Variants in NTM observed in about 807,000 individuals in gnomAD.
The protein encoded by NTM is neurotrimin.
NTM carries 13 observed loss-of-function variants against 42.1 expected under a neutral mutation model. That is an observed-to-expected ratio of 0.31 (90% CI 0.20 to 0.49). The LOEUF (loss-of-function observed/expected upper bound fraction) is 0.49. Ranked by LOEUF, NTM falls within the 20% of genes least tolerant of loss-of-function variation. The probability of loss-of-function intolerance (pLI) is 0.99; values close to 1 mark genes in which losing one functional copy is unlikely to be tolerated. For missense variants in NTM, 373 were observed against 452.8 expected, an observed-to-expected ratio of 0.82 and a Z score of 1.60; for synonymous variants, 187 against 179.2, an observed-to-expected ratio of 1.04 and a Z score of -0.35.
At chr11:131,910,276 G>A (rs2054520425) in intron 1 of NTM, among the ~76,000 whole-genome samples, 1 of 152,158 alleles carries the variant, frequency 6.6e-6, no homozygotes, top group Non-Finnish European at 1.5e-5. Context: ...CATGCTGCAG[G>A]GTGTTCCTTT....
chr11:131,673,889 C>T (rs1285888181), intron 1 of NTM, among the ~76,000 whole-genome samples: 1 of 152,202 alleles, frequency 6.6e-6, no homozygotes, highest in Admixed American at 6.5e-5. Context: ...CCCACACCTC[C>T]ACTCCCCCGT....
chr11:132,279,642 G>A lies in NTM; in HGVS notation c.527-28047G>A, dbSNP rs575455739. 1.6e-4 allele frequency among the ~76,000 whole-genome samples: 24 copies of A among 152,240 alleles called. No homozygotes were observed. In the South Asian group the frequency reaches 4.8e-3, roughly 30 times the overall value. ...CCTGCCTGGAATCCTTTCCGCCATT[G>A]ATCTTCCAGGCCTTTGTTTATATTT... is the stretch of plus-strand genomic sequence containing the variant. On this transcript the variant is annotated intron_variant, in intron 4 of 8. Coordinates refer to ENST00000683400, the MANE Select transcript of NTM (RefSeq NM_001352005.2).
intron 2 of NTM, among the ~76,000 whole-genome samples, chr11:132,077,768 A>G (rs2058553052): frequency 6.6e-6 from 1 of 152,184 alleles, no homozygotes; most frequent in African/African-American, 2.4e-5. Context: ...AACAAGAACA[A>G]ACTTTATTTT....
intron 2 of NTM, among the ~76,000 whole-genome samples, chr11:131,973,518 T>C (rs527330886): frequency 1.0e-3 from 157 of 152,314 alleles, no homozygotes; most frequent in African/African-American, 3.6e-3. Flanking sequence ...CATCTTGTTT[T>C]TAGAAGACTA....
intron 1 of NTM, among the ~76,000 whole-genome samples, chr11:131,515,087 A>C (rs971586617): frequency 1.3e-5 from 2 of 151,772 alleles, no homozygotes; most frequent in African/African-American, 2.4e-5. Flanking sequence ...AAGTTTTATA[A>C]ATTTTTTTGT....
chr11:132,182,647 T>C (rs2077744295), intron 3 of NTM, among the ~76,000 whole-genome samples: 1 of 152,216 alleles, frequency 6.6e-6, no homozygotes, highest in African/African-American at 2.4e-5. Flanking sequence ...ATCTGGTAGC[T>C]ATCTCTAATA....
chr11:132,011,730 A>G (rs2072245479), intron 2 of NTM, among the ~76,000 whole-genome samples: 1 of 152,160 alleles, frequency 6.6e-6, no homozygotes, highest in Admixed American at 6.5e-5. Context: ...AATTATTCCA[A>G]CCCAAGCCCA....
intron 3 of NTM, among the ~76,000 whole-genome samples, chr11:132,185,219 A>G (rs544283372): frequency 6.6e-6 from 1 of 152,084 alleles, no homozygotes; most frequent in Non-Finnish European, 1.5e-5. Context: ...CTCCCCCCAT[A>G]TGTGTGCACA....
chr11:132,002,899 A>G lies in NTM; in HGVS notation c.167+91251A>G, dbSNP rs2069653934. On this transcript the variant is annotated intron_variant, in intron 2 of 8. Transcript: ENST00000683400. This position sits in a 1 kb window ranked among gnomAD's most constrained non-coding sequence, Gnocchi z 4.5. Reference sequence around the variant, plus strand: ...CTCTTAGCCAATGTTAGCAGCCATTATTACTGTTTACTGTTAATAACAGAA... The same window carrying G: ...CTCTTAGCCAATGTTAGCAGCCATTGTTACTGTTTACTGTTAATAACAGAA... Among the ~76,000 whole-genome samples the G allele has an allele frequency of 6.8e-6, 1 of 146,120 alleles. No individual in the cohort carries two copies. The highest frequency in any genetic ancestry group is 1.5e-5 in the Non-Finnish European group (1 of 68,034).
At chr11:131,375,301 G>T (rs1941811830) in intron 1 of NTM, among the ~76,000 whole-genome samples, 1 of 152,172 alleles carries the variant, frequency 6.6e-6, no homozygotes, top group Non-Finnish European at 1.5e-5. Flanking sequence ...GGAACTCCAT[G>T]CTGAGATTAT....
At chr11:132,112,611 A>G (rs2063356727) in intron 2 of NTM, among the ~76,000 whole-genome samples, 2 of 152,034 alleles carry the variant, frequency 1.3e-5, no homozygotes, top group South Asian at 2.1e-4. Context: ...CTTCCACTAG[A>G]GAAGGCATCC....
At chr11:131,822,520 C>G (rs73579957) in intron 1 of NTM, among the ~76,000 whole-genome samples, 1 of 152,142 alleles carries the variant, frequency 6.6e-6, no homozygotes, top group Non-Finnish European at 1.5e-5. Context: ...AATAAGAACG[C>G]GTGTACAGAG....
intron 4 of NTM, among the ~76,000 whole-genome samples, chr11:132,237,480 G>T (rs910650738): frequency 6.6e-6 from 1 of 152,152 alleles, no homozygotes; most frequent in African/African-American, 2.4e-5. Context: ...CAGCCTTTGG[G>T]CCACTGACCC....
intron 1 of NTM, chr11:131,662,377 G>A (rs1440353555): frequency 2.0e-5 from 3 of 152,128 alleles, no homozygotes; most frequent in East Asian, 1.9e-4. Flanking sequence ...ACATTTTCAC[G>A]GCTGCAGACA....
chr11:131,776,094 C>A (rs752794124), intron 1 of NTM, among the ~76,000 whole-genome samples: 8 of 152,130 alleles, frequency 5.3e-5, no homozygotes, highest in Non-Finnish European at 1.2e-4. Flanking sequence ...ATGCTGAGAA[C>A]CTTGAGGCTA....
chr11:131,720,311 T>C lies in NTM; in HGVS notation c.83-191253T>C, dbSNP rs139227605. ...CATATGCCTTGATAGATACAGTGTGTTTACGTTCGAATCCCAGGATTTGTG... is the reference window on the plus strand; with the variant it reads ...CATATGCCTTGATAGATACAGTGTGCTTACGTTCGAATCCCAGGATTTGTG... On this transcript the variant is annotated intron_variant, in intron 1 of 8. Coordinates refer to ENST00000683400, the MANE Select transcript of NTM (RefSeq NM_001352005.2). Among the ~76,000 whole-genome samples the C allele has an allele frequency of 2.6e-5, 4 of 152,276 alleles. No homozygotes were observed. In the East Asian group the frequency reaches 7.7e-4, roughly 29 times the overall value.
At chr11:131,992,699 C>G (rs1439074104) in intron 2 of NTM, among the ~76,000 whole-genome samples, 3 of 152,090 alleles carry the variant, frequency 2.0e-5, no homozygotes, top group Non-Finnish European at 2.9e-5. Flanking sequence ...AGATTGAATA[C>G]TTTTCTATGT....
chr11:132,086,417 C>A (rs2059721890), intron 2 of NTM, among the ~76,000 whole-genome samples: 1 of 151,826 alleles, frequency 6.6e-6, no homozygotes. Context: ...AAAACAAGAT[C>A]CAAGAAGAGA....
intron 1 of NTM, among the ~76,000 whole-genome samples, chr11:131,424,555 C>T (rs962289104): frequency 2.8e-5 from 4 of 143,140 alleles, no homozygotes; most frequent in African/African-American, 1.0e-4. Flanking sequence ...GATAAGTTAC[C>T]GTCTAGTTTG....
Sources: gnomAD v4.1 joint callset for allele counts (sites outside exome capture counted in the v4.1 genomes callset) on GRCh38, gnomAD v4.1.1 for gene constraint, Gnocchi (gnomAD v3.1) non-coding constraint, MANE v1.5 for transcripts, NCBI Gene and HGNC (gene_info 2026-07-23, HGNC 2026-07-21) for gene names.